The following SYMPK variants were observed in gnomAD, a reference collection of about 807,000 sequenced individuals.
SYMPK encodes symplekin scaffold protein.
Under a neutral mutation model 136.4 loss-of-function variants are expected in SYMPK, and 49 were observed. The observed-to-expected ratio is 0.36, with a 90% confidence interval of 0.29 to 0.46. SYMPK has a LOEUF of 0.46. SYMPK is among the 20% of genes least tolerant of loss of function. The probability of loss-of-function intolerance (pLI) is 1.00; values close to 1 mark genes in which losing one functional copy is unlikely to be tolerated. For missense variants in SYMPK, 1,365 were observed against 1,690.0 expected, an observed-to-expected ratio of 0.81 and a Z score of 3.37; for synonymous variants, 766 against 713.0, an observed-to-expected ratio of 1.07 and a Z score of -1.19.
At position 45,847,818 on chromosome 19, in the gene SYMPK, G is replaced by T. The variant is rs746471156; in HGVS notation, c.610C>A (p.Pro204Thr). Residue 204 changes from proline to threonine, a missense_variant, in exon 7 of 27, where the codon CCC becomes ACC. Pro to Thr is a conservative substitution (Grantham distance 38). Transcript: ENST00000245934. ...CTGATATCATGCTCCTGGCGTCGGG[G>T]TATCTCTGAGTCAGCCATGCGGGGT... ...LSPRMADSEI[P>T]RRQEHDISLD... is the part of the protein sequence containing the mutation. The T allele has an allele frequency of 3.7e-6, 6 of 1,613,972 alleles. No homozygotes were observed. The highest frequency in any genetic ancestry group is 4.2e-6 in the Non-Finnish European group (5 of 1,180,018).
chr19:45,833,323 C>T (rs902408186), intron 11 of SYMPK, among the ~76,000 whole-genome samples: 11 of 152,056 alleles, frequency 7.2e-5, no homozygotes, highest in African/African-American at 2.2e-4. Flanking sequence ...AAACTAGGGC[C>T]GGGCGCGGTG....
chr19:45,842,324 T>C lies in SYMPK; in HGVS notation c.1013A>G (p.Asn338Ser). The C allele has an allele frequency of 6.8e-6, 11 of 1,614,202 alleles. No homozygotes were observed. The highest frequency in any genetic ancestry group is 9.3e-6 in the Non-Finnish European group (11 of 1,180,030). Reference protein sequence around the residue: ...LGTPQAEIARNMPSSKDTRKR... With the variant: ...LGTPQAEIARSMPSSKDTRKR... ...GCGGGTGTCCTTGCTGCTCGGCATG[T>C]TGCGGGCGATCTCGGCCTGAGGTGT... The change falls in exon 9 of 27, where the codon AAC becomes AGC. Residue 338 changes from asparagine to serine, a missense_variant. Transcript: ENST00000245934.
rs10423849 is a variant in SYMPK at position 45,821,821 on chromosome 19, C to A, written c.2792-336G>T. Among the ~76,000 whole-genome samples the A allele has an allele frequency of 0.86, 130,355 of 152,134 alleles. 55,935 individuals are homozygous for A. The highest frequency in any genetic ancestry group is 0.9 in the East Asian group (4,635 of 5,156). ...CGTGTGGTCCCCAACACAGACTCCA[C>A]CGCGGCACAGGGGGTCATGGGCATT... On this transcript the variant is annotated intron_variant, in intron 21 of 26. Coordinates refer to ENST00000245934, the MANE Select transcript of SYMPK (RefSeq NM_004819.3). The surrounding 1 kb of genome is among the most constrained non-coding windows in gnomAD (Gnocchi z 4.4).
intron 9 of SYMPK, among the ~76,000 whole-genome samples, chr19:45,841,156 G>A (rs1971425417): frequency 6.6e-6 from 1 of 151,928 alleles, no homozygotes; most frequent in Admixed American, 6.6e-5. Flanking sequence ...GCTAATTTTT[G>A]TATTTTTAGT....
Position 45,821,506 on chromosome 19 carries a change from G to C in SYMPK, c.2792-21C>G, listed in dbSNP as rs762273944. 1.2e-5 allele frequency: 19 copies of C among 1,562,364 alleles called. No homozygotes were observed. In the African/African-American group the frequency reaches 2.3e-4, roughly 19 times the overall value. On this transcript the variant is annotated intron_variant, in intron 21 of 26. Coordinates refer to ENST00000245934, the MANE Select transcript of SYMPK (RefSeq NM_004819.3). This position sits in a 1 kb window ranked among gnomAD's most constrained non-coding sequence, Gnocchi z 4.4. The stretch of plus-strand genomic sequence containing the variant: ...CTCACCTGCAGCAGGCGGGAGGAAG[G>C]GTGGGGGAAGACAGTGCGGACGCAT...
Position 45,815,522 on chromosome 19 carries a change from C to CCCCCG in SYMPK, c.*37_*38insCGGGG. 6 of 1,408,458 alleles carry CCCCCG rather than the reference C, an allele frequency of 4.3e-6. No homozygotes were observed. Among genetic ancestry groups the CCCCCG allele is most frequent in the Non-Finnish European group, 5.7e-6 (6 of 1,054,526 alleles). The allele number at this position is 1,408,458 out of a possible 1,614,324, so 87.2% of individuals were successfully genotyped here. A position where few individuals can be genotyped will look rare whatever the true frequency, so the allele number is the denominator to read the frequency against. On this transcript the variant is annotated 3_prime_UTR_variant, in exon 27 of 27. Coordinates refer to ENST00000245934, the MANE Select transcript of SYMPK (RefSeq NM_004819.3). ...CAAGCCCCGCCCCGTCCCCCAGCCC[C>CCCCCG]GAGTCCCTGTCCCACCCCCTTTCCC...
At chr19:45,844,922 A>G (rs1971525883) in intron 7 of SYMPK, among the ~76,000 whole-genome samples, 1 of 152,208 alleles carries the variant, frequency 6.6e-6, no homozygotes, top group Admixed American at 6.5e-5. Flanking sequence ...TAGTAGGTGT[A>G]AATAATTATG....
rs565804371 is a variant in SYMPK at position 45,823,294 on chromosome 19, T to G, written c.2700+78A>C. ...TATGTGCCTCTGGCTCAACTGCTGC[T>G]GAAGCAACGTGCTGCCCTGCCCCTC... On this transcript the variant is annotated intron_variant, in intron 20 of 26. Transcript: ENST00000245934. The G allele has an allele frequency of 7.4e-5, 107 of 1,443,568 alleles. No homozygotes were observed. In the African/African-American group the frequency reaches 1.4e-3, roughly 18 times the overall value. 89.4% of individuals were successfully genotyped at this position (1,443,568 alleles called of 1,614,324 possible).
At chr19:45,823,976 G>A (rs1970974259) in intron 18 of SYMPK, 101 bp from the exon 19 acceptor site, 1 of 771,092 alleles carries the variant, frequency 1.3e-6, no homozygotes, top group Admixed American at 2.2e-5. Flanking sequence ...GGCGCCCAGG[G>A]TGAGACTGAG....
In SYMPK at chr19:45,815,832, C is replaced by T; in HGVS notation, c.3687+19G>A. ...CCAGATCCGGCTTCTTCCTTCGCAGCGGAGGCTGCTCTCCCTACCTTGGGT... is the reference window on the plus strand; with the variant it reads ...CCAGATCCGGCTTCTTCCTTCGCAGTGGAGGCTGCTCTCCCTACCTTGGGT... On this transcript the variant is annotated intron_variant, in intron 26 of 26. Transcript: ENST00000245934. 2 of 1,609,550 alleles carry T rather than the reference C, an allele frequency of 1.2e-6. No individual in the cohort carries two copies. The highest frequency in any genetic ancestry group is 1.1e-5 in the South Asian group (1 of 90,642).
At chr19:45,819,408 C>A (rs1311225841) in intron 22 of SYMPK, 1 of 152,832 alleles carries the variant, frequency 6.5e-6, no homozygotes. Flanking sequence ...AGGCCCCCTC[C>A]TTCGTCCCCT....
At chr19:45,818,735 C>G (rs550884358) in intron 22 of SYMPK, among the ~76,000 whole-genome samples, 1 of 152,278 alleles carries the variant, frequency 6.6e-6, no homozygotes, top group Admixed American at 6.5e-5. Context: ...CCCCCCGACT[C>G]AACACCCAGT....
At chr19:45,836,391 G>A (rs951939450) in intron 10 of SYMPK, among the ~76,000 whole-genome samples, 24 of 152,050 alleles carry the variant, frequency 1.6e-4, no homozygotes, top group Non-Finnish European at 2.6e-4. Context: ...AGCACTTTGG[G>A]AGGCTGAGGT....
intron 10 of SYMPK, among the ~76,000 whole-genome samples, chr19:45,838,231 T>C (rs1383800276): frequency 6.6e-6 from 1 of 151,908 alleles, no homozygotes; most frequent in Non-Finnish European, 1.5e-5. Flanking sequence ...TGCTCCCCCT[T>C]CACCTTTCAC....
At chr19:45,847,362 T>C (rs1352182175) in intron 7 of SYMPK, among the ~76,000 whole-genome samples, 1 of 151,046 alleles carries the variant, frequency 6.6e-6, no homozygotes, top group Non-Finnish European at 1.5e-5. Context: ...AGGCGGAGGT[T>C]GCAGTGAGCT....
intron 22 of SYMPK, chr19:45,819,003 G>GC (rs1008672602): frequency 1.6e-4 from 3 of 19,104 alleles, no homozygotes; most frequent in African/African-American, 5.9e-4. Context: ...GGGTCTCTAA[G>GC]GGGGGGGGCG....
At chr19:45,834,457 T>G (rs986277144) in intron 11 of SYMPK, among the ~76,000 whole-genome samples, 3 of 139,010 alleles carry the variant, frequency 2.2e-5, no homozygotes, top group African/African-American at 8.1e-5. Context: ...AGACTTTGTC[T>G]CAAAAAAAAA....
chr19:45,848,984 C>T (rs1447420405), intron 5 of SYMPK, 108 bp from the exon 6 acceptor site: 31 of 1,319,634 alleles, frequency 2.3e-5, no homozygotes, highest in African/African-American at 4.3e-5. Flanking sequence ...CTCAGGGGAC[C>T]GGAATGGCAC....
chr19:45,855,622 TGATA>T (rs1971805359), intron 1 of SYMPK: 1 of 151,902 alleles, frequency 6.6e-6, no homozygotes. Context: ...CTCTAGACAC[TGATA>T]GAGAGTGCAT....
Sources: gnomAD v4.1 joint callset for allele counts (sites outside exome capture counted in the v4.1 genomes callset) on GRCh38, gnomAD v4.1.1 for gene constraint, Gnocchi (gnomAD v3.1) non-coding constraint, MANE v1.5 for transcripts, NCBI Gene and HGNC (gene_info 2026-07-23, HGNC 2026-07-21) for gene names.